SYBU: variants seen among roughly 807,000 people sequenced by gnomAD.
SYBU encodes syntabulin, also known as GOLSYN A protein.
A neutral mutation model predicts 35.9 loss-of-function variants in SYBU; 21 were observed. The observed-to-expected ratio is 0.58, with a 90% CI of 0.41 to 0.84. The LOEUF (loss-of-function observed/expected upper bound fraction) is 0.84. SYBU is among the 40% of genes least tolerant of loss of function. SYBU has a pLI of 0.00. For missense variants in SYBU, 768 were observed against 848.2 expected (o/e 0.91, Z 1.17); for synonymous variants, 319 against 324.3 (o/e 0.98, Z 0.18).
In SYBU at chr8:109,640,849, C is replaced by G. The variant is rs149175724; in HGVS notation, c.229+1879G>C. Among the ~76,000 whole-genome samples, 725 of 142,422 alleles carry G rather than the reference C, an allele frequency of 5.1e-3. 8 individuals are homozygous for G. The highest frequency in any genetic ancestry group is 0.043 in the East Asian group (212 of 4,950). 93.4% of individuals were successfully genotyped at this position (142,422 alleles called of 152,430 possible). On this transcript the variant is annotated intron_variant, in intron 2 of 6. Coordinates refer to ENST00000276646, the MANE Select transcript of SYBU (RefSeq NM_001099754.2). ...AAAAAAAAAAAAAAAGTAGGCAGTG[C>G]AGAATTTCCAACATACAACTTATGC...
chr8:109,635,444 C>T (rs1814118182), intron 2 of SYBU, among the ~76,000 whole-genome samples: 1 of 152,160 alleles, frequency 6.6e-6, no homozygotes, highest in Non-Finnish European at 1.5e-5. Flanking sequence ...CTCTAATTTT[C>T]TTCCCCATGC....
chr8:109,582,203 G>A (rs1257860916), intron 4 of SYBU, among the ~76,000 whole-genome samples: 3 of 152,172 alleles, frequency 2.0e-5, no homozygotes, highest in South Asian at 2.1e-4. Context: ...TGACCCTGGC[G>A]CTGTTTCAGG....
intron 2 of SYBU, among the ~76,000 whole-genome samples, chr8:109,623,084 A>G (rs1263620209): frequency 6.6e-6 from 1 of 152,088 alleles, no homozygotes; most frequent in Non-Finnish European, 1.5e-5. Flanking sequence ...GAGTTTTTAC[A>G]TTTCTTTCTT....
chr8:109,598,620 G>T (rs983246936), intron 3 of SYBU, among the ~76,000 whole-genome samples: 1 of 152,116 alleles, frequency 6.6e-6, no homozygotes, highest in East Asian at 1.9e-4. Flanking sequence ...CCACGTGTTT[G>T]GTATGTGTGC....
chr8:109,591,506 A>ATTTTTTTTTTTT (rs1047402673), intron 3 of SYBU, among the ~76,000 whole-genome samples: 1 of 100,942 alleles, frequency 9.9e-6, no homozygotes, highest in Non-Finnish European at 1.8e-5. Flanking sequence ...AAAAATGTAA[A>ATTTTTTTTTTTT]TTTTTTTTTT....
intron 3 of SYBU, among the ~76,000 whole-genome samples, chr8:109,610,546 G>T (rs556646220): frequency 6.6e-6 from 1 of 152,336 alleles, no homozygotes; most frequent in East Asian, 1.9e-4. Context: ...CTGTGCTGCT[G>T]AAGCATTACT....
At chr8:109,651,691 G>A (rs1051413209) in intron 1 of SYBU, among the ~76,000 whole-genome samples, 5 of 152,018 alleles carry the variant, frequency 3.3e-5, no homozygotes, top group Admixed American at 2.0e-4. Flanking sequence ...AAGAACAGAC[G>A]CAAAGCCTAG....
intron 2 of SYBU, among the ~76,000 whole-genome samples, chr8:109,640,819 CAA>C (rs33993476): frequency 0.14 from 11,063 of 81,884 alleles, 576 homozygotes; most frequent in East Asian, 0.38. Flanking sequence ...AATTAGTTAG[CAA>C]AAAAAAAAAA....
chr8:109,605,897 C>T (rs975906468), intron 3 of SYBU, among the ~76,000 whole-genome samples: 5 of 152,140 alleles, frequency 3.3e-5, no homozygotes, highest in African/African-American at 1.2e-4. Flanking sequence ...AATATTTGAA[C>T]CTAGATTTTA....
intron 5 of SYBU, 98 bp from the exon 6 acceptor site, chr8:109,578,115 C>A: frequency 7.5e-7 from 1 of 1,330,234 alleles, no homozygotes; most frequent in South Asian, 1.5e-5. Context: ...GTCTGTGTCC[C>A]TCCAGAATTC....
At chr8:109,607,686 G>T (rs1005506828) in intron 3 of SYBU, among the ~76,000 whole-genome samples, 5 of 152,140 alleles carry the variant, frequency 3.3e-5, no homozygotes, top group Non-Finnish European at 7.4e-5. Flanking sequence ...ATGACAAAGA[G>T]TATTTAAAAT....
chr8:109,620,278 A>C (rs572138544), intron 2 of SYBU, among the ~76,000 whole-genome samples: 47 of 152,256 alleles, frequency 3.1e-4, no homozygotes, highest in Non-Finnish European at 5.6e-4. Flanking sequence ...TTAGTAACTC[A>C]TTAGACAAAG....
chr8:109,579,688 G>T, intron 5 of SYBU, 111 bp downstream of exon 5: 1 of 1,010,490 alleles, frequency 9.9e-7, no homozygotes, highest in Non-Finnish European at 1.5e-6. Flanking sequence ...GCAGTGTCTT[G>T]TAGAATCAGG....
rs559983455 is a variant in SYBU, at chr8:109,689,467, C to T, written c.-58+1866G>A. Among the ~76,000 whole-genome samples the T allele has an allele frequency of 3.9e-5, 6 of 152,248 alleles. No individual in the cohort carries two copies. In the South Asian group the frequency reaches 1.0e-3, roughly 26 times the overall value. The stretch of plus-strand genomic sequence containing the variant: ...CCTCCTCAGTAGCTGGAACTACAGG[C>T]ACCTACTGCCATGTCCACCTATTTT... On this transcript the variant is annotated intron_variant, in intron 1 of 7. Coordinates refer to the SYBU transcript ENST00000422135.
chr8:109,596,497 C>T (rs780159086), intron 3 of SYBU, among the ~76,000 whole-genome samples: 6 of 152,160 alleles, frequency 3.9e-5, no homozygotes, highest in Admixed American at 6.5e-5. Context: ...CATTTCCTTG[C>T]GTTCACTTTT....
At chr8:109,680,184 A>G (rs756906506) in intron 1 of SYBU, 1 of 152,220 alleles carries the variant, frequency 6.6e-6, no homozygotes, top group African/African-American at 2.4e-5. Flanking sequence ...ATTAATTTTC[A>G]CTTACATTCT....
upstream of SYBU, among the ~76,000 whole-genome samples, chr8:109,683,240 C>A (rs3133932): frequency 0.13 from 19,350 of 152,244 alleles, 1,462 homozygotes; most frequent in East Asian, 0.4. Context: ...ACAACACCAG[C>A]CTGTGAAAGC....
chr8:109,653,926 T>C (rs10107091), intron 1 of SYBU, among the ~76,000 whole-genome samples: 8,048 of 152,232 alleles, frequency 0.053, 557 homozygotes, highest in African/African-American at 0.16. Context: ...TTCCCATCTC[T>C]TAAGGCATAT....
At chr8:109,577,800 G>T in intron 6 of SYBU, 68 bp downstream of exon 6, 1 of 1,432,268 alleles carries the variant, frequency 7.0e-7, no homozygotes, top group Non-Finnish European at 9.4e-7. Context: ...CTATAGTTTG[G>T]GTTCATATTT....
Sources: gnomAD v4.1 joint callset for allele counts (sites outside exome capture counted in the v4.1 genomes callset) on GRCh38, gnomAD v4.1.1 for gene constraint, MANE v1.5 for transcripts, NCBI Gene and HGNC (gene_info 2026-07-23, HGNC 2026-07-21) for gene names.